The following MSR1 variants were observed in gnomAD, a reference collection of about 807,000 sequenced individuals.
The protein encoded by MSR1 is macrophage scavenger receptor 1.
A neutral mutation model predicts 47.2 loss-of-function variants in MSR1; 53 were observed. That is an observed-to-expected ratio of 1.12 (90% CI 0.90 to 1.41). MSR1 has a LOEUF of 1.41. Ranked by LOEUF, MSR1 falls within the 40% of genes most tolerant of loss-of-function variation. The pLI, the probability that MSR1 is intolerant of heterozygous loss-of-function variation, is 0.00. For synonymous variants in MSR1, 239 were observed against 185.6 expected, an observed-to-expected ratio of 1.29 and a Z score of -2.34; for missense variants, 786 against 546.9, an observed-to-expected ratio of 1.44 and a Z score of -4.36.
In MSR1 at chr8:16,108,946, T is replaced by G. The variant is rs1410336231; in HGVS notation, c.*1139A>C. On this transcript the variant is annotated 3_prime_UTR_variant, in exon 10 of 10. Transcript: ENST00000262101. ...GAATTAGTCATAGGAAACTTCAGAA[T>G]TCTGTTATTTTCAGGGCTGAGGTTG... is the stretch of plus-strand genomic sequence containing the variant. The G allele has an allele frequency of 6.6e-6, 1 of 152,068 alleles. No homozygotes were observed. Among genetic ancestry groups the G allele is most frequent in the African/African-American group, 2.4e-5 (1 of 41,432 alleles). 9.4% of individuals were successfully genotyped at this position (152,068 alleles called of 1,614,324 possible).
intron 7 of MSR1, among the ~76,000 whole-genome samples, chr8:16,147,760 T>C (rs1210167791): frequency 6.6e-6 from 1 of 152,158 alleles, no homozygotes; most frequent in Non-Finnish European, 1.5e-5. Context: ...ACCAGATTGG[T>C]GTCTTTTAAT....
intron 9 of MSR1, among the ~76,000 whole-genome samples, chr8:16,111,374 A>G (rs1799752444): frequency 6.6e-6 from 1 of 152,190 alleles, no homozygotes; most frequent in African/African-American, 2.4e-5. Flanking sequence ...TGGCTCTGTC[A>G]TAATTTGGAG....
chr8:16,155,133 G>T lies in MSR1; in HGVS notation c.829C>A (p.Pro277Thr), dbSNP rs1800968576. ...CCTCGATCTCCTTTTTCACCCGGGG[G>T]TCCAGGAGGACCTTTAAAAAAATTA... is the stretch of plus-strand genomic sequence containing the variant. The part of the protein sequence containing the change: ...NITLIQGPPG[P>T]PGEKGDRGPT... The change falls in exon 6 of 10, where the codon CCC (proline) becomes ACC (threonine). Residue 277 changes from proline (P) to threonine (T), a missense_variant. Pro to Thr is a conservative substitution (Grantham distance 38). Coordinates refer to ENST00000262101, the MANE Select transcript of MSR1 (RefSeq NM_138715.3). The T allele has an allele frequency of 6.2e-7, 1 of 1,611,588 alleles. No individual in the cohort carries two copies. The highest frequency in any genetic ancestry group is 1.7e-4 in the Middle Eastern group (1 of 6,052).
rs1801384060 is a variant in MSR1, at chr8:16,168,540, A to G, written c.548T>C (p.Leu183Ser). The G allele has an allele frequency of 1.2e-6, 2 of 1,614,016 alleles. No individual in the cohort carries two copies. Among genetic ancestry groups the G allele is most frequent in the African/African-American group, 2.7e-5 (2 of 74,930 alleles). Residue 183 changes from leucine to serine, a missense_variant, in exon 4 of 10, where the codon TTG (leucine) becomes TCG (serine). Coordinates refer to ENST00000262101, the MANE Select transcript of MSR1 (RefSeq NM_138715.3). ...CTGCAAATCAAGCAATGTGGTATTC[A>G]AACTTATTAAGGACTTGGAGATTTC... Reference protein sequence around the residue: ...IDEISKSLISLNTTLLDLQLN... With the variant: ...IDEISKSLISSNTTLLDLQLN...
chr8:16,145,336 T>C (rs1800668621), intron 7 of MSR1, among the ~76,000 whole-genome samples: 1 of 152,110 alleles, frequency 6.6e-6, no homozygotes. Flanking sequence ...ATTTTCAGAT[T>C]GTCCAAGAGG....
At chr8:16,134,476 C>G (rs564676450) in intron 8 of MSR1, among the ~76,000 whole-genome samples, 1 of 152,044 alleles carries the variant, frequency 6.6e-6, no homozygotes, top group Non-Finnish European at 1.5e-5. Flanking sequence ...AGATGGCAAA[C>G]TTAGTTGATA....
intron 3 of MSR1, among the ~76,000 whole-genome samples, chr8:16,170,964 C>G (rs548963318): frequency 6.6e-6 from 1 of 152,032 alleles, no homozygotes; most frequent in African/African-American, 2.4e-5. Flanking sequence ...CAGAGTCCAC[C>G]GTATTTACTA....
intron 5 of MSR1, among the ~76,000 whole-genome samples, chr8:16,159,139 C>G (rs1028289066): frequency 6.6e-6 from 1 of 151,518 alleles, no homozygotes; most frequent in East Asian, 1.9e-4. Context: ...ATTAATTATA[C>G]AAAACTCCAA....
intron 2 of MSR1, among the ~76,000 whole-genome samples, chr8:16,176,229 G>C (rs1036925949): frequency 1.3e-5 from 2 of 152,168 alleles, no homozygotes; most frequent in Non-Finnish European, 2.9e-5. Flanking sequence ...GAGAAGAGCT[G>C]GATGCAGTGG....
intron 7 of MSR1, among the ~76,000 whole-genome samples, chr8:16,148,783 G>A (rs545283169): frequency 3.3e-5 from 5 of 152,176 alleles, no homozygotes; most frequent in South Asian, 2.1e-4. Flanking sequence ...CAACCAAAGC[G>A]TCCTTCAGTA....
At chr8:16,187,533 C>G (rs114716333) in intron 1 of MSR1, among the ~76,000 whole-genome samples, 2 of 151,996 alleles carry the variant, frequency 1.3e-5, no homozygotes, top group Non-Finnish European at 2.9e-5. Context: ...TTTGTCTTGT[C>G]TATCATCTGT....
At chr8:16,111,069 G>C (rs1045194873) in intron 9 of MSR1, among the ~76,000 whole-genome samples, 1 of 152,096 alleles carries the variant, frequency 6.6e-6, no homozygotes, top group African/African-American at 2.4e-5. Flanking sequence ...TACTAGGCAT[G>C]GCATGTTTCC....
At chr8:16,148,290 G>C (rs1380733584) in intron 7 of MSR1, among the ~76,000 whole-genome samples, 1 of 151,908 alleles carries the variant, frequency 6.6e-6, no homozygotes, top group Admixed American at 6.6e-5. Flanking sequence ...TTTATCTCCA[G>C]CACACAGTGA....
intron 8 of MSR1, among the ~76,000 whole-genome samples, chr8:16,133,865 GA>G (rs1212641986): frequency 2.6e-5 from 4 of 152,132 alleles, no homozygotes; most frequent in African/African-American, 7.2e-5. Flanking sequence ...CACCCATCTA[GA>G]AAAAACTTTA....
At chr8:16,190,125 T>C (rs753192407) in intron 1 of MSR1, among the ~76,000 whole-genome samples, 2 of 151,994 alleles carry the variant, frequency 1.3e-5, no homozygotes, top group Non-Finnish European at 2.9e-5. Flanking sequence ...CTCAAACTCC[T>C]GACCTCAGGT....
chr8:16,148,603 G>A (rs1585161316), intron 7 of MSR1, among the ~76,000 whole-genome samples: 1 of 151,814 alleles, frequency 6.6e-6, no homozygotes, highest in African/African-American at 2.4e-5. Flanking sequence ...CACCATGCCT[G>A]GCTAATTTTT....
In MSR1 at chr8:16,112,268, T is replaced by C. The variant is rs558332618; in HGVS notation, c.1223-2050A>G. Among the ~76,000 whole-genome samples, 86 of 152,316 alleles carry C rather than the reference T, an allele frequency of 5.6e-4. 1 individual carries two copies. The highest frequency in any genetic ancestry group is 2.0e-3 in the African/African-American group (83 of 41,594). On this transcript the variant is annotated intron_variant, in intron 9 of 9. Transcript: ENST00000262101. ...AGGTAATATGCTAGGTCTTTTCACA[T>C]ACATTTCTAAATTTACTTTTTATAA...
chr8:16,142,480 T>TA (rs918920877), intron 8 of MSR1, among the ~76,000 whole-genome samples: 2 of 152,190 alleles, frequency 1.3e-5, no homozygotes, highest in African/African-American at 4.8e-5. Context: ...TAAGTAACAC[T>TA]AAAGTACTCC....
chr8:16,129,307 G>C (rs1800200535), intron 8 of MSR1, among the ~76,000 whole-genome samples: 1 of 152,056 alleles, frequency 6.6e-6, no homozygotes, highest in Admixed American at 6.6e-5. Flanking sequence ...GGATTAAGCA[G>C]GATATGAGTA....
Sources: gnomAD v4.1 joint callset for allele counts (sites outside exome capture counted in the v4.1 genomes callset) on GRCh38, gnomAD v4.1.1 for gene constraint, MANE v1.5 for transcripts, NCBI Gene and HGNC (gene_info 2026-07-23, HGNC 2026-07-21) for gene names.